Variants in CHD2 observed in about 807,000 individuals in gnomAD.
CHD2 encodes ATP-dependent chromatin remodeler CHD2.
CHD2 carries 28 observed loss-of-function variants against 243.9 expected under a neutral mutation model. That is an observed-to-expected ratio of 0.11 (90% CI 0.09 to 0.16). The LOEUF (loss-of-function observed/expected upper bound fraction) is 0.16, where lower values mean the gene tolerates loss of function less well. Ranked by LOEUF, CHD2 falls within the 10% of genes least tolerant of loss-of-function variation. CHD2 has a pLI of 1.00. For synonymous variants in CHD2, 775 were observed against 779.0 expected (o/e 0.99, Z 0.09); for missense variants, 1,386 against 2,209.8 (o/e 0.63, Z 7.47).
At chr15:92,927,104 T>C in intron 3 of CHD2, 140 bp from the exon 4 acceptor site, 1 of 636,922 alleles carries the variant, frequency 1.6e-6, no homozygotes, top group Non-Finnish European at 2.8e-6. Context: ...AAAATGGCGC[T>C]TTATTGTCTC....
At chr15:92,925,218 A>G (rs764277215) in intron 3 of CHD2, among the ~76,000 whole-genome samples, 8 of 152,228 alleles carry the variant, frequency 5.3e-5, no homozygotes, top group Non-Finnish European at 1.2e-4. Context: ...GATAATCATT[A>G]TCCTAAAATG....
At chr15:92,993,171 A>G in intron 28 of CHD2, 173 bp downstream of exon 28, 1 of 607,448 alleles carries the variant, frequency 1.6e-6, no homozygotes, top group South Asian at 2.1e-5. Context: ...CTACAGGTCT[A>G]CTCACAAATG....
chr15:92,909,285 G>T (rs75856112), intron 2 of CHD2, among the ~76,000 whole-genome samples: 13 of 152,022 alleles, frequency 8.6e-5, no homozygotes, highest in African/African-American at 2.7e-4. Context: ...TTATTTACTT[G>T]GAATGCAGTT....
At chr15:92,953,864 A>C in intron 14 of CHD2, 1 of 335,370 alleles carries the variant, frequency 3.0e-6, no homozygotes, top group Non-Finnish European at 5.5e-6. Flanking sequence ...AGATTGCTTT[A>C]TATGAGATAA....
chr15:92,945,744 A>G (rs1170880156), intron 10 of CHD2, 77 bp from the exon 11 acceptor site: 8 of 925,698 alleles, frequency 8.6e-6, no homozygotes, highest in Non-Finnish European at 1.3e-5. Context: ...ATATATTTAC[A>G]TTTTATTCAT....
At chr15:92,937,448 G>A in intron 5 of CHD2, 70 bp from the exon 6 acceptor site, 1 of 1,170,096 alleles carries the variant, frequency 8.5e-7, no homozygotes, top group South Asian at 1.4e-5. Flanking sequence ...ATTGAAATTG[G>A]TTTTGTCGGA....
chr15:92,977,063 T>C (rs1596426209), intron 20 of CHD2, among the ~76,000 whole-genome samples: 1 of 152,288 alleles, frequency 6.6e-6, no homozygotes, highest in East Asian at 1.9e-4. Flanking sequence ...ACGTTATCCT[T>C]GCTAAAGAGT....
chr15:92,972,622 C>T (rs2053856612), intron 19 of CHD2, among the ~76,000 whole-genome samples: 1 of 10,846 alleles, frequency 9.2e-5, no homozygotes, highest in African/African-American at 1.3e-4. Flanking sequence ...GAGGCCGAGG[C>T]GGGCGGATCA....
chr15:92,900,982 G>C (rs2052520965), intron 1 of CHD2, among the ~76,000 whole-genome samples, 158 bp downstream of exon 1: 4 of 150,286 alleles, frequency 2.7e-5, no homozygotes, highest in South Asian at 4.3e-4. Flanking sequence ...TATTGATAGT[G>C]ATGCTTCCAC....
At chr15:92,989,662 C>T (rs930510503) in intron 26 of CHD2, among the ~76,000 whole-genome samples, 9 of 152,152 alleles carry the variant, frequency 5.9e-5, no homozygotes, top group South Asian at 2.1e-4. Flanking sequence ...TGTTGGGGCA[C>T]GTTTCAATGC....
chr15:92,913,396 G>A (rs2052776803), intron 2 of CHD2, among the ~76,000 whole-genome samples: 1 of 152,174 alleles, frequency 6.6e-6, no homozygotes, highest in Non-Finnish European at 1.5e-5. Flanking sequence ...TTAACTAGTG[G>A]CAGGTTTGTC....
chr15:93,018,259 T>C (rs185841310), intron 37 of CHD2, among the ~76,000 whole-genome samples: 1 of 152,218 alleles, frequency 6.6e-6, no homozygotes, highest in Non-Finnish European at 1.5e-5. Context: ...TAGTCAAAAG[T>C]TTTTTACTTT....
chr15:92,962,586 C>T (rs1281379747), intron 16 of CHD2, among the ~76,000 whole-genome samples: 4 of 152,030 alleles, frequency 2.6e-5, no homozygotes, highest in South Asian at 4.1e-4. Context: ...GGAGACTGTC[C>T]GATAAGTGCT....
At chr15:92,976,515 A>C (rs1356647418) in intron 20 of CHD2, among the ~76,000 whole-genome samples, 1 of 151,844 alleles carries the variant, frequency 6.6e-6, no homozygotes, top group African/African-American at 2.4e-5. Context: ...GTTCCCTTCA[A>C]AATTATACTT....
Position 92,924,417 on chromosome 15 carries a change from G to C in CHD2, c.159G>C (p.Ser53=). The C allele has an allele frequency of 6.2e-7, 1 of 1,614,120 alleles. No individual in the cohort carries two copies. The part of the protein sequence containing the change: ...SDPGSGHGSE[S]NSSSESSESQ... ...CAGGAAGTGGACATGGCAGCGAGTC[G>C]AACAGCAGCTCTGAATCTTCTGAGA... The change falls in exon 3 of 39, where the codon TCG becomes TCC. Residue 53 remains serine (S), a synonymous_variant. Coordinates refer to ENST00000394196, the MANE Select transcript of CHD2 (RefSeq NM_001271.4).
At chr15:92,927,473 G>C in intron 4 of CHD2, 143 bp downstream of exon 4, 2 of 566,988 alleles carry the variant, frequency 3.5e-6, no homozygotes, top group Non-Finnish European at 6.3e-6. Flanking sequence ...TCTATGACCA[G>C]ATACAGTAAG....
chr15:92,954,514 G>C (rs1015741500), intron 14 of CHD2, among the ~76,000 whole-genome samples: 2 of 152,136 alleles, frequency 1.3e-5, no homozygotes, highest in African/African-American at 2.4e-5. Context: ...CATTAAAATT[G>C]TGTAACTTAA....
At chr15:92,913,735 C>G (rs1482576694) in intron 2 of CHD2, among the ~76,000 whole-genome samples, 1 of 152,096 alleles carries the variant, frequency 6.6e-6, no homozygotes. Flanking sequence ...ACCTATAGTC[C>G]CAGCTATTTG....
In CHD2 at chr15:92,967,389, C is replaced by T; in HGVS notation, c.2065C>T (p.Leu689Phe). 6.2e-7 allele frequency: 1 copy of T among 1,613,352 alleles called. No homozygotes were observed. Among genetic ancestry groups the T allele is most frequent in the East Asian group, 2.2e-5 (1 of 44,852 alleles). Residue 689 changes from leucine (L) to phenylalanine (F), a missense_variant, in exon 17 of 39, where the codon CTT (leucine) becomes TTT (phenylalanine). Physicochemically the swap from Leu to Phe is conservative, Grantham distance 22. This residue lies in a region of CHD2 where 118 missense variants were observed against 266.3 expected (regional missense o/e 0.44). Coordinates refer to ENST00000394196, the MANE Select transcript of CHD2 (RefSeq NM_001271.4). ...GKGRENGYQSLHKVLEPFLLR... is the reference protein window; with the variant it reads ...GKGRENGYQSFHKVLEPFLLR... ...GGGGAGAGAAAATGGCTACCAGAGT[C>T]TTCATAAGGTGCTAGAGCCTTTCCT...
Sources: gnomAD v4.1 joint callset for allele counts (sites outside exome capture counted in the v4.1 genomes callset) on GRCh38, gnomAD v4.1.1 for gene constraint, gnomAD v4.1.1 regional missense constraint, MANE v1.5 for transcripts, NCBI Gene and HGNC (gene_info 2026-07-23, HGNC 2026-07-21) for gene names.